Variants in ZNF775 observed in about 807,000 individuals in gnomAD.
ZNF775 encodes the protein zinc finger protein 775.
ZNF775 carries 1 observed loss-of-function variant against 2.4 expected under a neutral mutation model. That is an observed-to-expected ratio of 0.41 (90% CI 0.15 to 1.94). The LOEUF is 1.94. Ranked by LOEUF, ZNF775 falls within the 30% of genes most tolerant of loss-of-function variation. The probability of loss-of-function intolerance (pLI) is 0.30; values close to 1 mark genes in which losing one functional copy is unlikely to be tolerated. For synonymous variants in ZNF775, 381 were observed against 373.3 expected, an observed-to-expected ratio of 1.02 and a Z score of -0.24; for missense variants, 823 against 826.6, an observed-to-expected ratio of 1.00 and a Z score of 0.05.
intron 2 of ZNF775, among the ~76,000 whole-genome samples, chr7:150,391,028 T>C (rs1413738626): frequency 6.6e-6 from 1 of 152,234 alleles, no homozygotes; most frequent in Non-Finnish European, 1.5e-5. Flanking sequence ...GCTACACTTT[T>C]AGTTTGCATT....
Position 150,397,457 on chromosome 7 carries a change from CGGCACCT to C in ZNF775, c.978_984del (p.His327AlafsTer161). The C allele has an allele frequency of 6.3e-7, 1 of 1,592,466 alleles. No homozygotes were observed. Among genetic ancestry groups the C allele is most frequent in the Admixed American group, 1.7e-5 (1 of 59,422 alleles). On this transcript the variant is annotated frameshift_variant, in exon 3 of 3. Transcript: ENST00000329630. LOFTEE classifies it low-confidence loss of function (END_TRUNC). ...CTTCAGCCAGAAGCCCAACTTGACGCGGCACCTGCGCAACCACACAGGCGAGCGCCCG... is the reference window on the plus strand; with the variant it reads ...CTTCAGCCAGAAGCCCAACTTGACGCGCGCAACCACACAGGCGAGCGCCCG...
chr7:150,398,254 C>G lies in ZNF775; in HGVS notation c.*159C>G. On this transcript the variant is annotated 3_prime_UTR_variant, in exon 3 of 3. Coordinates refer to ENST00000329630, the MANE Select transcript of ZNF775 (RefSeq NM_173680.4). ...GGGCTGAGAACAGTTCTAGAAGCGTCCCAAAGGGTGCTGGGAAAGGTCCCA... is the reference window on the plus strand; with the variant it reads ...GGGCTGAGAACAGTTCTAGAAGCGTGCCAAAGGGTGCTGGGAAAGGTCCCA... The G allele has an allele frequency of 8.2e-7, 1 of 1,214,070 alleles. No homozygotes were observed. The highest frequency in any genetic ancestry group is 1.1e-6 in the Non-Finnish European group (1 of 905,658). 75.2% of individuals were successfully genotyped at this position (1,214,070 alleles called of 1,614,324 possible).
chr7:150,397,950 C>G lies in ZNF775; in HGVS notation c.1469C>G (p.Thr490Arg). 2 of 1,600,550 alleles carry G rather than the reference C, an allele frequency of 1.2e-6. No individual in the cohort carries two copies. Among genetic ancestry groups the G allele is most frequent in the Non-Finnish European group, 1.7e-6 (2 of 1,178,522 alleles). The change falls in exon 3 of 3, where the codon ACG becomes AGG. Residue 490 changes from threonine (T) to arginine (R), a missense_variant. Physicochemically the swap from Thr to Arg is moderately conservative, Grantham distance 71. Transcript: ENST00000329630. ...GRRFSQKPNL[T>R]RHRRNHTGER... ...CGCTTCAGCCAGAAGCCCAACCTGA[C>G]GCGGCACCGGCGCAACCACACAGGC... is the stretch of plus-strand genomic sequence containing the variant.
chr7:150,390,775 C>T (rs758933025), intron 2 of ZNF775, among the ~76,000 whole-genome samples: 6 of 152,156 alleles, frequency 3.9e-5, no homozygotes, highest in Admixed American at 6.5e-5. Context: ...TCTTTACACT[C>T]GTATGTCAGT....
Position 150,397,467 on chromosome 7 carries a change from GCAACC to G in ZNF775, c.987_991del (p.Asn330HisfsTer42). ...AAGCCCAACTTGACGCGGCACCTGCGCAACCACACAGGCGAGCGCCCGCACCCCTG... is the reference window on the plus strand; with the variant it reads ...AAGCCCAACTTGACGCGGCACCTGCGACACAGGCGAGCGCCCGCACCCCTG... On this transcript the variant is annotated frameshift_variant, in exon 3 of 3. Coordinates refer to ENST00000329630, the MANE Select transcript of ZNF775 (RefSeq NM_173680.4). LOFTEE classifies it low-confidence loss of function (END_TRUNC). 1 of 1,593,016 alleles carries G rather than the reference GCAACC, an allele frequency of 6.3e-7. No homozygotes were observed. Among genetic ancestry groups the G allele is most frequent in the Admixed American group, 1.7e-5 (1 of 59,510 alleles).
In ZNF775 at chr7:150,397,570, C is replaced by G; in HGVS notation, c.1089C>G (p.Ala363=). ...ACCTGCGCACGCACCTGCCCGGCGC[C>G]CAGGCTGCGCCCTGCCCCAGCTGCG... ...LKHLRTHLPG[A]QAAPCPSCGK... Residue 363 remains alanine, a synonymous_variant, in exon 3 of 3, where the codon GCC becomes GCG. Transcript: ENST00000329630. 1 of 1,502,384 alleles carries G rather than the reference C, an allele frequency of 6.7e-7. No individual in the cohort carries two copies. The allele number at this position is 1,502,384 out of a possible 1,614,324, so 93.1% of individuals were successfully genotyped here.
Position 150,396,974 on chromosome 7 carries a change from T to C in ZNF775, c.493T>C (p.Cys165Arg). ...RHHTGERPFC[C>R]PECARRFSQK... ...CCACACGGGCGAGCGACCCTTCTGC[T>C]GCCCCGAGTGCGCGCGGCGCTTCAG... is the stretch of plus-strand genomic sequence containing the variant. Residue 165 changes from cysteine to arginine, a missense_variant, in exon 3 of 3, where the codon TGC becomes CGC. Physicochemically the swap from Cys to Arg is radical, Grantham distance 180. Coordinates refer to ENST00000329630, the MANE Select transcript of ZNF775 (RefSeq NM_173680.4). 1 of 1,599,590 alleles carries C rather than the reference T, an allele frequency of 6.3e-7. No homozygotes were observed. The highest frequency in any genetic ancestry group is 8.5e-7 in the Non-Finnish European group (1 of 1,179,174).
intron 2 of ZNF775, among the ~76,000 whole-genome samples, chr7:150,395,311 C>T (rs1309698526): frequency 1.3e-5 from 2 of 152,136 alleles, no homozygotes; most frequent in Admixed American, 1.3e-4. Flanking sequence ...TTTATTAATG[C>T]CGTTCTTCTA....
Position 150,396,744 on chromosome 7 carries a change from C to T in ZNF775, c.263C>T (p.Ala88Val). 2 of 1,589,102 alleles carry T rather than the reference C, an allele frequency of 1.3e-6. No individual in the cohort carries two copies. The highest frequency in any genetic ancestry group is 1.7e-6 in the Non-Finnish European group (2 of 1,168,324). ...TEQDAGLAGR[A>V]PGSASGPLSP... ...CAGGATGCGGGGCTGGCAGGCCGGGCTCCCGGGTCAGCCTCCGGCCCCCTG... is the reference window on the plus strand; with the variant it reads ...CAGGATGCGGGGCTGGCAGGCCGGGTTCCCGGGTCAGCCTCCGGCCCCCTG... The change falls in exon 3 of 3, where the codon GCT (alanine) becomes GTT (valine). Residue 88 changes from alanine to valine, a missense_variant. Coordinates refer to ENST00000329630, the MANE Select transcript of ZNF775 (RefSeq NM_173680.4).
In ZNF775 at chr7:150,397,476, C is replaced by T; in HGVS notation, c.995C>T (p.Thr332Ile). ...PNLTRHLRNH[T>I]GERPHPCPHC... ...TTGACGCGGCACCTGCGCAACCACA[C>T]AGGCGAGCGCCCGCACCCCTGCCCG... The change falls in exon 3 of 3, where the codon ACA becomes ATA. Residue 332 changes from threonine (T) to isoleucine (I), a missense_variant. By Grantham distance (89) the Thr-to-Ile change is moderately conservative. Coordinates refer to ENST00000329630, the MANE Select transcript of ZNF775 (RefSeq NM_173680.4). 6.3e-7 allele frequency: 1 copy of T among 1,590,346 alleles called. No homozygotes were observed. Among genetic ancestry groups the T allele is most frequent in the Admixed American group, 1.7e-5 (1 of 59,384 alleles).
In ZNF775 at chr7:150,397,560, T is replaced by C; in HGVS notation, c.1079T>C (p.Leu360Pro). 10 of 1,518,212 alleles carry C rather than the reference T, an allele frequency of 6.6e-6. No homozygotes were observed. Among genetic ancestry groups the C allele is most frequent in the Non-Finnish European group, 8.8e-6 (10 of 1,140,706 alleles). The allele number at this position is 1,518,212 out of a possible 1,614,324, so 94.0% of individuals were successfully genotyped here. A position where few individuals can be genotyped will look rare whatever the true frequency, so the allele number is the denominator to read the frequency against. ...QHLLKHLRTH[L>P]PGAQAAPCPS... is the part of the protein sequence containing the mutation. ...CTGCTCAAGCACCTGCGCACGCACC[T>C]GCCCGGCGCCCAGGCTGCGCCCTGC... Residue 360 changes from leucine (L) to proline (P), a missense_variant, in exon 3 of 3, where the codon CTG becomes CCG. Leu to Pro is a moderately conservative substitution (Grantham distance 98, BLOSUM62 -3). Coordinates refer to ENST00000329630, the MANE Select transcript of ZNF775 (RefSeq NM_173680.4).
intron 1 of ZNF775, chr7:150,383,749 C>T (rs1275176052): frequency 6.6e-6 from 1 of 152,390 alleles, no homozygotes; most frequent in Non-Finnish European, 1.5e-5. Flanking sequence ...CCCCAAAAGC[C>T]TTAGCGCCTA....
In ZNF775 at chr7:150,387,316, A is replaced by T. The variant is rs187921670; in HGVS notation, c.-49-1106A>T. Among the ~76,000 whole-genome samples the T allele has an allele frequency of 2.6e-3, 383 of 149,256 alleles. 4 individuals carry two copies. Among genetic ancestry groups the T allele is most frequent in the African/African-American group, 9.0e-3 (362 of 40,206 alleles). ...GTCTCAAAAAAAAAAAAAAAAAAGA[A>T]GCACAAGGGATGCCTGCTCTGAGAA... On this transcript the variant is annotated intron_variant, in intron 1 of 2. Coordinates refer to ENST00000329630, the MANE Select transcript of ZNF775 (RefSeq NM_173680.4).
intron 2 of ZNF775, among the ~76,000 whole-genome samples, chr7:150,394,162 T>C (rs2129621168): frequency 6.6e-6 from 1 of 152,388 alleles, no homozygotes; most frequent in African/African-American, 2.4e-5. Flanking sequence ...GCTTCTCATC[T>C]AAGAATATGA....
chr7:150,397,858 G>T lies in ZNF775; in HGVS notation c.1377G>T (p.Ser459=). The change falls in exon 3 of 3, where the codon TCG becomes TCT. Residue 459 remains serine (S), a synonymous_variant. Coordinates refer to ENST00000329630, the MANE Select transcript of ZNF775 (RefSeq NM_173680.4). Reference sequence around the variant, plus strand: ...GCGGCAAGAGCTTCTCGTGGTGGTCGGCGCTCACCATCCACCAGCGCATCC... The same window carrying T: ...GCGGCAAGAGCTTCTCGTGGTGGTCTGCGCTCACCATCCACCAGCGCATCC... The part of the protein sequence containing the change: ...NECGKSFSWW[S]ALTIHQRIHT... 6.2e-7 allele frequency: 1 copy of T among 1,602,070 alleles called. No homozygotes were observed.
chr7:150,391,902 C>T (rs537570571), intron 2 of ZNF775, among the ~76,000 whole-genome samples: 7 of 151,752 alleles, frequency 4.6e-5, no homozygotes, highest in Non-Finnish European at 7.4e-5. Flanking sequence ...TTAGTAGAGA[C>T]GGGGTTTCAC....
At chr7:150,395,992 G>T (rs534628998) in intron 2 of ZNF775, among the ~76,000 whole-genome samples, 6 of 152,300 alleles carry the variant, frequency 3.9e-5, no homozygotes, top group Admixed American at 1.3e-4. Context: ...TGACCCAGGG[G>T]TTGGTCTCCC....
Position 150,398,003 on chromosome 7 carries a change from G to C in ZNF775, c.1522G>C (p.Gly508Arg). The C allele has an allele frequency of 1.3e-6, 2 of 1,588,884 alleles. No individual in the cohort carries two copies. Among genetic ancestry groups the C allele is most frequent in the Non-Finnish European group, 1.7e-6 (2 of 1,173,588 alleles). ...GERPYLCPAC[G>R]RGFSQKQHLL... ...GCGGCCCTACCTGTGTCCCGCCTGC[G>C]GCCGCGGCTTCAGCCAGAAGCAGCA... is the stretch of plus-strand genomic sequence containing the variant. Residue 508 changes from glycine (G) to arginine (R), a missense_variant, in exon 3 of 3, where the codon GGC (glycine) becomes CGC (arginine). By Grantham distance (125) the Gly-to-Arg change is moderately radical. Transcript: ENST00000329630.
chr7:150,391,826 C>T (rs1800564997), intron 2 of ZNF775, among the ~76,000 whole-genome samples: 1 of 145,464 alleles, frequency 6.9e-6, no homozygotes, highest in Non-Finnish European at 1.5e-5. Context: ...ATTTTCCTGC[C>T]TCAGCCTCCT....
Sources: gnomAD v4.1 joint callset for allele counts (sites outside exome capture counted in the v4.1 genomes callset) on GRCh38, gnomAD v4.1.1 for gene constraint, MANE v1.5 for transcripts, NCBI Gene and HGNC (gene_info 2026-07-23, HGNC 2026-07-21) for gene names.